TFG: variants seen among roughly 807,000 people sequenced by gnomAD.
The protein encoded by TFG is protein TFG.
In TFG, 22 loss-of-function variants were observed where a neutral mutation model predicts 51.4. The observed-to-expected ratio is 0.43, with a 90% confidence interval of 0.31 to 0.61. TFG has a LOEUF of 0.61. TFG is among the 20% of genes least tolerant of loss of function. The pLI, the probability that TFG is intolerant of heterozygous loss-of-function variation, is 0.12. For synonymous variants in TFG, 187 were observed against 165.6 expected, an observed-to-expected ratio of 1.13 and a Z score of -0.99; for missense variants, 419 against 487.7, an observed-to-expected ratio of 0.86 and a Z score of 1.33.
At chr3:100,711,605 A>T (rs1312007178) in intron 1 of TFG, among the ~76,000 whole-genome samples, 1 of 152,152 alleles carries the variant, frequency 6.6e-6, no homozygotes, top group East Asian at 1.9e-4. Context: ...TCCCATAATT[A>T]AAAAATTTAA....
At chr3:100,719,235 A>T (rs975795473) in intron 2 of TFG, among the ~76,000 whole-genome samples, 1 of 151,968 alleles carries the variant, frequency 6.6e-6, no homozygotes, top group African/African-American at 2.4e-5. Context: ...TCCCCACCCA[A>T]CTGTTTGTGA....
At chr3:100,735,299 C>T (rs931593654) in intron 5 of TFG, among the ~76,000 whole-genome samples, 6 of 152,274 alleles carry the variant, frequency 3.9e-5, no homozygotes, top group Non-Finnish European at 5.9e-5. Context: ...TCTGGGGATA[C>T]ATCAGAGCAG....
chr3:100,738,028 CCACTG>C (rs936133706), intron 6 of TFG, among the ~76,000 whole-genome samples: 34 of 152,032 alleles, frequency 2.2e-4, no homozygotes, highest in African/African-American at 8.2e-4. Flanking sequence ...CTGTATCACT[CCACTG>C]CACTCCAGCC....
chr3:100,711,433 A>G (rs1559702527), intron 1 of TFG, among the ~76,000 whole-genome samples: 1 of 152,170 alleles, frequency 6.6e-6, no homozygotes, highest in Non-Finnish European at 1.5e-5. Context: ...ATTGGGCAAC[A>G]AACCCGTACC....
intron 2 of TFG, among the ~76,000 whole-genome samples, chr3:100,714,455 G>A (rs1377852307): frequency 1.3e-5 from 2 of 151,592 alleles, no homozygotes; most frequent in Non-Finnish European, 1.5e-5. Flanking sequence ...AGCCAAGATC[G>A]TGCCACTGCA....
intron 4 of TFG, among the ~76,000 whole-genome samples, chr3:100,730,036 C>A (rs185078148): frequency 3.3e-5 from 5 of 152,154 alleles, no homozygotes; most frequent in Admixed American, 3.3e-4. Context: ...TATTCTGAGC[C>A]CTACCTCTCC....
intron 2 of TFG, among the ~76,000 whole-genome samples, chr3:100,719,640 T>C (rs1415241457): frequency 6.6e-6 from 1 of 152,230 alleles, no homozygotes; most frequent in Non-Finnish European, 1.5e-5. Context: ...ATGAAAAGAT[T>C]TCAGTCTAAA....
chr3:100,717,477 CTG>C, intron 2 of TFG, among the ~76,000 whole-genome samples: 2 of 151,644 alleles, frequency 1.3e-5, no homozygotes, highest in South Asian at 4.2e-4. Context: ...TGAATTGAAT[CTG>C]TAAATTGCTT....
At chr3:100,728,555 A>C (rs2095082291) in intron 3 of TFG, among the ~76,000 whole-genome samples, 157 bp from the exon 4 acceptor site, 1 of 151,940 alleles carries the variant, frequency 6.6e-6, no homozygotes, top group Non-Finnish European at 1.5e-5. Context: ...TATTAGCCAT[A>C]GAGAATTCTT....
Position 100,714,913 on chromosome 3 carries a change from A to C in TFG, c.184+1044A>C, listed in dbSNP as rs560196123. Among the ~76,000 whole-genome samples the C allele has an allele frequency of 2.0e-5, 3 of 152,372 alleles. No homozygotes were observed. In the South Asian group the frequency reaches 6.2e-4, roughly 32 times the overall value. The stretch of plus-strand genomic sequence containing the variant: ...ACACACTGAGTAGAATTATAGTAGT[A>C]GACTGTATTTCCTATTCTTCAACCT... On this transcript the variant is annotated intron_variant, in intron 2 of 7. Coordinates refer to ENST00000240851, the MANE Select transcript of TFG (RefSeq NM_006070.6).
rs1553702560 is a variant in TFG, at chr3:100,734,066, C to CAT, written c.580+1394_580+1395insAT. On this transcript the variant is annotated intron_variant, in intron 5 of 7. Transcript: ENST00000240851. ...ACAGTCACAGAAGTTTTTTTTTTTGCTTTTTTTTTTGCAAAGTTGTGATGG... is the reference window on the plus strand; with the variant it reads ...ACAGTCACAGAAGTTTTTTTTTTTGCATTTTTTTTTTTGCAAAGTTGTGATGG... 3.0e-4 allele frequency among the ~76,000 whole-genome samples: 43 copies of CAT among 143,428 alleles called. 1 individual carries two copies. The South Asian group carries it at 9.5e-3, about 32-fold the overall frequency. 94.1% of individuals were successfully genotyped at this position (143,428 alleles called of 152,430 possible).
intron 3 of TFG, among the ~76,000 whole-genome samples, chr3:100,727,533 A>G (rs1452092022): frequency 2.0e-5 from 3 of 152,150 alleles, no homozygotes; most frequent in Non-Finnish European, 4.4e-5. Context: ...TTTTAGTTTA[A>G]TTTTTGAACG....
chr3:100,732,511 C>T lies in TFG; in HGVS notation c.419C>T (p.Thr140Ile). The T allele has an allele frequency of 2.5e-6, 4 of 1,604,350 alleles. No homozygotes were observed. The highest frequency in any genetic ancestry group is 3.4e-6 in the Non-Finnish European group (4 of 1,176,798). Residue 140 changes from threonine (T) to isoleucine (I), a missense_variant, in exon 5 of 8, where the codon ACT (threonine) becomes ATT (isoleucine). Around this residue, in one of 3 missense-constraint regions of TFG, gnomAD observed 391 missense variants for 434.4 expected, o/e 0.90. Coordinates refer to ENST00000240851, the MANE Select transcript of TFG (RefSeq NM_006070.6). ...GPSTNIPEND[T>I]VDGREEKSAS... is the part of the protein sequence containing the mutation. ...GTTTATTCCTCTATTTTTACAGATA[C>T]TGTGGATGGTAGGGAAGAAAAGTCT...
At chr3:100,742,348 A>C (rs2149094102) in intron 6 of TFG, 1 of 152,336 alleles carries the variant, frequency 6.6e-6, no homozygotes, top group South Asian at 2.1e-4. Flanking sequence ...TGATCACAAA[A>C]ATACCCCCAG....
At chr3:100,733,029 AT>A (rs2095096257) in intron 5 of TFG, among the ~76,000 whole-genome samples, 1 of 152,202 alleles carries the variant, frequency 6.6e-6, no homozygotes, top group Non-Finnish European at 1.5e-5. Context: ...TTCGAATTAT[AT>A]TTGATTTGTC....
In TFG at chr3:100,732,490, A is replaced by G. The variant is rs1466172453; in HGVS notation, c.416-18A>G. ...ATAAAAAGGAAACAAGTTTTTGTTT[A>G]TTCCTCTATTTTTACAGATACTGTG... On this transcript the variant is annotated intron_variant, in intron 4 of 7. Transcript: ENST00000240851. The G allele has an allele frequency of 1.3e-6, 2 of 1,584,406 alleles. No individual in the cohort carries two copies. Among genetic ancestry groups the G allele is most frequent in the East Asian group, 4.5e-5 (2 of 44,484 alleles).
chr3:100,745,911 A>G (rs767193344), intron 7 of TFG, among the ~76,000 whole-genome samples: 11 of 152,188 alleles, frequency 7.2e-5, no homozygotes, highest in Non-Finnish European at 1.6e-4. Context: ...GTGGCCCACA[A>G]AGCCTAAACT....
chr3:100,743,362 TTACC>T (rs772089337), intron 6 of TFG: 5 of 152,184 alleles, frequency 3.3e-5, no homozygotes, highest in African/African-American at 9.7e-5. Context: ...CTGTACCTAC[TTACC>T]TTTTTATTTT....
At chr3:100,744,712 C>A in intron 6 of TFG, 121 bp from the exon 7 acceptor site, 1 of 607,050 alleles carries the variant, frequency 1.6e-6, no homozygotes, top group Non-Finnish European at 3.0e-6. Flanking sequence ...TGAACAAATA[C>A]TTTCTTGTAT....
Sources: gnomAD v4.1 joint callset for allele counts (sites outside exome capture counted in the v4.1 genomes callset) on GRCh38, gnomAD v4.1.1 for gene constraint, gnomAD v4.1.1 regional missense constraint, MANE v1.5 for transcripts, NCBI Gene and HGNC (gene_info 2026-07-23, HGNC 2026-07-21) for gene names.